Variants in ZBTB20 observed in about 807,000 individuals in gnomAD.
ZBTB20 encodes the protein zinc finger and BTB domain-containing protein 20.
In ZBTB20, 9 loss-of-function variants were observed where a neutral mutation model predicts 56.9. That is an observed-to-expected ratio of 0.16 (90% CI 0.10 to 0.28). ZBTB20 has a LOEUF of 0.28. ZBTB20 is among the 10% of genes least tolerant of loss of function. The pLI is 1.00. For synonymous variants in ZBTB20, 417 were observed against 420.7 expected, an observed-to-expected ratio of 0.99 and a Z score of 0.11; for missense variants, 655 against 1,003.0, an observed-to-expected ratio of 0.65 and a Z score of 4.69.
chr3:114,564,822 A>G (rs1030712863), intron 6 of ZBTB20, among the ~76,000 whole-genome samples: 1 of 152,240 alleles, frequency 6.6e-6, no homozygotes, highest in African/African-American at 2.4e-5. Flanking sequence ...TTCAGGCACT[A>G]CATTGACATC....
At chr3:114,922,793 T>C (rs1422380854) in intron 3 of ZBTB20, among the ~76,000 whole-genome samples, 2 of 131,062 alleles carry the variant, frequency 1.5e-5, no homozygotes, top group Admixed American at 1.6e-4. Flanking sequence ...TCGGCTCTCA[T>C]GGGAACCAAT....
At chr3:114,680,380 T>A (rs2061897327) in intron 6 of ZBTB20, among the ~76,000 whole-genome samples, 1 of 152,236 alleles carries the variant, frequency 6.6e-6, no homozygotes, top group African/African-American at 2.4e-5. Flanking sequence ...TTTCACTCTA[T>A]TTTATTTTGA....
intron 4 of ZBTB20, among the ~76,000 whole-genome samples, chr3:114,856,996 TC>T (rs2075283676): frequency 6.6e-6 from 1 of 152,156 alleles, no homozygotes; most frequent in South Asian, 2.1e-4. Flanking sequence ...TAAAAAAAAG[TC>T]ACTGGTTTGT....
At chr3:114,924,725 C>T (rs2076086919) in intron 3 of ZBTB20, among the ~76,000 whole-genome samples, 1 of 152,094 alleles carries the variant, frequency 6.6e-6, no homozygotes. Context: ...TGCACACTTT[C>T]ACTATATACA....
At chr3:114,750,744 T>C (rs1291257400) in intron 5 of ZBTB20, among the ~76,000 whole-genome samples, 2 of 152,222 alleles carry the variant, frequency 1.3e-5, no homozygotes, top group Non-Finnish European at 2.9e-5. Context: ...CCATTTTCCA[T>C]ATGTAGCTAC....
chr3:114,728,278 G>T (rs779865169), intron 5 of ZBTB20, among the ~76,000 whole-genome samples: 7 of 152,178 alleles, frequency 4.6e-5, no homozygotes, highest in Non-Finnish European at 1.0e-4. Flanking sequence ...TCACAAACGT[G>T]TTATTTGATT....
At chr3:114,695,394 G>A (rs1175650507) in intron 5 of ZBTB20, among the ~76,000 whole-genome samples, 1 of 151,734 alleles carries the variant, frequency 6.6e-6, no homozygotes, top group Admixed American at 6.6e-5. Flanking sequence ...AATGAGAGCC[G>A]AGAAGTCTAC....
At chr3:114,532,138 ACC>A (rs1324155959) in intron 6 of ZBTB20, among the ~76,000 whole-genome samples, 4 of 152,108 alleles carry the variant, frequency 2.6e-5, no homozygotes, top group Non-Finnish European at 5.9e-5. Context: ...GTGAGACAGA[ACC>A]ACTCACTACC....
intron 6 of ZBTB20, among the ~76,000 whole-genome samples, chr3:114,548,540 A>T: frequency 6.7e-6 from 1 of 148,284 alleles, no homozygotes. Context: ...TCTTTTTGAG[A>T]CAGAGTCTCA....
chr3:114,697,559 T>C (rs1411594857), intron 5 of ZBTB20, among the ~76,000 whole-genome samples: 1 of 151,958 alleles, frequency 6.6e-6, no homozygotes, highest in East Asian at 1.9e-4. Flanking sequence ...TCTTTTTGGC[T>C]GTGGAAAAGT....
At chr3:114,400,984 T>C (rs534896414) in intron 7 of ZBTB20, among the ~76,000 whole-genome samples, 2 of 152,110 alleles carry the variant, frequency 1.3e-5, no homozygotes, top group East Asian at 3.9e-4. Context: ...ATCATGTCTC[T>C]GTTAAAAAAC....
intron 6 of ZBTB20, among the ~76,000 whole-genome samples, chr3:114,539,130 G>A (rs1350753549): frequency 2.0e-5 from 3 of 151,964 alleles, no homozygotes; most frequent in Non-Finnish European, 2.9e-5. Context: ...AAGTGTCCAG[G>A]CTCCTTCCAA....
intron 7 of ZBTB20, among the ~76,000 whole-genome samples, chr3:114,492,461 T>C (rs953259446): frequency 1.1e-4 from 17 of 152,096 alleles, no homozygotes; most frequent in Admixed American, 3.3e-4. Context: ...AAACCAGGAG[T>C]CATTGTTGCC....
chr3:114,438,161 C>A (rs1411967342), intron 7 of ZBTB20, among the ~76,000 whole-genome samples: 1 of 152,116 alleles, frequency 6.6e-6, no homozygotes, highest in African/African-American at 2.4e-5. Context: ...GAACACATAG[C>A]TAGCAGTGGC....
At chr3:114,744,079 T>C (rs2066846377) in intron 5 of ZBTB20, among the ~76,000 whole-genome samples, 1 of 152,206 alleles carries the variant, frequency 6.6e-6, no homozygotes, top group Non-Finnish European at 1.5e-5. Context: ...CCACGCACTT[T>C]CATCTATAAT....
intron 4 of ZBTB20, among the ~76,000 whole-genome samples, chr3:114,847,978 C>T (rs1013683700): frequency 1.2e-4 from 18 of 152,260 alleles, no homozygotes; most frequent in Non-Finnish European, 2.2e-4. Context: ...ACTCTTATGC[C>T]TCCTAATCCC....
intron 3 of ZBTB20, among the ~76,000 whole-genome samples, chr3:114,943,928 C>T (rs1447062444): frequency 7.1e-6 from 1 of 140,050 alleles, no homozygotes; most frequent in Non-Finnish European, 1.5e-5. Flanking sequence ...AAAAAAAAGC[C>T]TGTTTGTAAA....
chr3:114,934,061 C>A (rs2076447922), intron 3 of ZBTB20, among the ~76,000 whole-genome samples: 1 of 152,124 alleles, frequency 6.6e-6, no homozygotes, highest in Non-Finnish European at 1.5e-5. Context: ...TCTGGAATAC[C>A]CCACCTTAGA....
chr3:115,080,873 C>A (rs1411732017), intron 1 of ZBTB20, among the ~76,000 whole-genome samples: 1 of 152,006 alleles, frequency 6.6e-6, no homozygotes, highest in Non-Finnish European at 1.5e-5. Context: ...ATGGTAGAAG[C>A]AGGGAGGGAA....
Sources: gnomAD v4.1 joint callset for allele counts (sites outside exome capture counted in the v4.1 genomes callset) on GRCh38, gnomAD v4.1.1 for gene constraint, MANE v1.5 for transcripts, NCBI Gene and HGNC (gene_info 2026-07-23, HGNC 2026-07-21) for gene names.